Variants in SERHL2 observed in about 807,000 individuals in gnomAD.
SERHL2 encodes the protein serine hydrolase like 2.
A neutral mutation model predicts 25.5 loss-of-function variants in SERHL2; 29 were observed. That is an observed-to-expected ratio of 1.14 (90% confidence interval 0.85 to 1.55). SERHL2 has a LOEUF of 1.55. SERHL2 is among the 40% of genes most tolerant of loss of function. The probability of loss-of-function intolerance (pLI) is 0.00; values close to 1 mark genes in which losing one functional copy is unlikely to be tolerated. For missense variants in SERHL2, 240 were observed against 252.3 expected (o/e 0.95, Z 0.33); for synonymous variants, 95 against 103.5 (o/e 0.92, Z 0.50).
intron 9 of SERHL2, among the ~76,000 whole-genome samples, chr22:42,568,880 C>T (rs1923769290): frequency 6.6e-6 from 1 of 151,590 alleles, no homozygotes; most frequent in Non-Finnish European, 1.5e-5. Flanking sequence ...GCAGGAGAAT[C>T]GCTTTAACTC....
intron 8 of SERHL2, chr22:42,563,442 G>A (rs1050709297): frequency 2.9e-5 from 13 of 442,434 alleles, no homozygotes; most frequent in African/African-American, 2.0e-4. Context: ...GAACTCAAGC[G>A]ATCCTACTGA....
At chr22:42,573,843 T>C (rs1163431173) in intron 11 of SERHL2, 93 bp from the exon 12 acceptor site, 2 of 1,233,040 alleles carry the variant, frequency 1.6e-6, no homozygotes, top group Non-Finnish European at 2.3e-6. Flanking sequence ...TGCAGGGAGC[T>C]GGAATGCTGT....
chr22:42,561,336 T>C (rs1445485424), intron 8 of SERHL2, among the ~76,000 whole-genome samples: 1 of 151,806 alleles, frequency 6.6e-6, no homozygotes, highest in Non-Finnish European at 1.5e-5. Flanking sequence ...CTTGGGACAG[T>C]CCCTTCCCTT....
At chr22:42,570,525 C>A (rs1265013376) in intron 9 of SERHL2, among the ~76,000 whole-genome samples, 4 of 152,196 alleles carry the variant, frequency 2.6e-5, no homozygotes, top group Non-Finnish European at 4.4e-5. Flanking sequence ...GCTAAGTTTT[C>A]CAAATCCAGC....
At chr22:42,564,959 G>GGCGCGC (rs67794471) in intron 8 of SERHL2, 10,278 of 144,554 alleles carry the variant, frequency 0.071, 521 homozygotes, top group Middle Eastern at 0.097. Context: ...CACCATGCTC[G>GGCGCGC]GCGCGCGCGT....
chr22:42,573,278 C>T (rs889882095), intron 11 of SERHL2: 1 of 143,394 alleles, frequency 7.0e-6, no homozygotes, highest in South Asian at 2.2e-4. Context: ...GAGTGTCGCT[C>T]TGTTGCCCAG....
At chr22:42,567,586 C>T (rs1189325407) in intron 9 of SERHL2, among the ~76,000 whole-genome samples, 1 of 151,496 alleles carries the variant, frequency 6.6e-6, no homozygotes, top group Non-Finnish European at 1.5e-5. Flanking sequence ...ATGGCGTGAA[C>T]CCGGGAAGCA....
chr22:42,564,511 A>G (rs1231404653), intron 8 of SERHL2, among the ~76,000 whole-genome samples: 2 of 150,706 alleles, frequency 1.3e-5, no homozygotes, highest in East Asian at 1.9e-4. Context: ...GGCTCACCGC[A>G]ACCTCCACCT....
chr22:42,559,229 TAAA>T lies in SERHL2; in HGVS notation c.533+797_533+799del, dbSNP rs1194822216. 4.5e-4 allele frequency among the ~76,000 whole-genome samples: 31 copies of T among 69,314 alleles called. No individual in the cohort carries two copies. The South Asian group carries it at 8.5e-3, about 19-fold the overall frequency. 45.5% of individuals were successfully genotyped at this position (69,314 alleles called of 152,430 possible). A position where few individuals can be genotyped will look rare whatever the true frequency, so the allele number is the denominator to read the frequency against. On this transcript the variant is annotated intron_variant, in intron 7 of 11. Coordinates refer to ENST00000327678, the MANE Select transcript of SERHL2 (RefSeq NM_014509.5). ...GAGCGAGATAGCGAGACCCTGTATT[TAAA>T]AAAAAAAAAAAAAAAAAAAAAAAAT...
chr22:42,568,972 C>G (rs1923780877), intron 9 of SERHL2, among the ~76,000 whole-genome samples: 1 of 151,536 alleles, frequency 6.6e-6, no homozygotes, highest in Admixed American at 6.5e-5. Context: ...ACCTCCACCT[C>G]CTGGGATCAA....
In SERHL2 at chr22:42,560,172, C is replaced by T. The variant is rs1459981252; in HGVS notation, c.534-14C>T. The T allele has an allele frequency of 3.7e-6, 6 of 1,605,984 alleles. No individual in the cohort carries two copies. The highest frequency in any genetic ancestry group is 1.7e-5 in the Admixed American group (1 of 59,982). On this transcript the variant is annotated splice_polypyrimidine_tract_variant and intron_variant, in intron 7 of 11. Transcript: ENST00000327678. ...TGGCCTCCAGGCACCCAGCATCCTT[C>T]TGTCTCCCCCCAGGTTACTGAAGAG... is the stretch of plus-strand genomic sequence containing the variant.
intron 8 of SERHL2, among the ~76,000 whole-genome samples, chr22:42,565,888 C>T (rs562139335): frequency 6.6e-6 from 1 of 152,060 alleles, no homozygotes; most frequent in African/African-American, 2.4e-5. Context: ...GAGTCTTGCT[C>T]TGTCGCCTAG....
At chr22:42,565,968 C>G (rs1357038271) in intron 8 of SERHL2, among the ~76,000 whole-genome samples, 1 of 152,016 alleles carries the variant, frequency 6.6e-6, no homozygotes, top group East Asian at 1.9e-4. Flanking sequence ...TTGCTTCTTC[C>G]TAGTGACTAA....
intron 11 of SERHL2, chr22:42,572,901 C>G (rs998369655): frequency 5.0e-6 from 1 of 201,786 alleles, no homozygotes; most frequent in African/African-American, 2.4e-5. Context: ...AACTCCTGAC[C>G]TCAGGTGATC....
rs141212892 is a variant in SERHL2 at position 42,565,723 on chromosome 22, G to A, written c.614-581G>A. On this transcript the variant is annotated intron_variant, in intron 8 of 11. Transcript: ENST00000327678. ...CCCACTTCGGCCTCCCAAAGTGCTG[G>A]AATTACAGGTGCCTGACCTCCTGCT... Among the ~76,000 whole-genome samples the A allele has an allele frequency of 3.5e-3, 526 of 151,954 alleles. 5 individuals carry two copies. The highest frequency in any genetic ancestry group is 5.3e-3 in the Non-Finnish European group (361 of 67,936).
chr22:42,571,538 G>A, intron 10 of SERHL2: 1 of 1,004,844 alleles, frequency 1.0e-6, no homozygotes, highest in Non-Finnish European at 1.2e-6. Flanking sequence ...CGATTCTCCT[G>A]CCTCAGCCTC....
At chr22:42,568,511 G>A (rs559065562) in intron 9 of SERHL2, among the ~76,000 whole-genome samples, 1 of 152,084 alleles carries the variant, frequency 6.6e-6, no homozygotes, top group South Asian at 2.1e-4. Flanking sequence ...TGTCTTATGT[G>A]ACCTGTTCTG....
At chr22:42,570,816 C>G (rs1289938723) in intron 9 of SERHL2, among the ~76,000 whole-genome samples, 1 of 152,080 alleles carries the variant, frequency 6.6e-6, no homozygotes, top group Non-Finnish European at 1.5e-5. Context: ...AGTGGCCCAA[C>G]TCACTTCTCT....
At chr22:42,562,241 A>G (rs1362106596) in intron 8 of SERHL2, among the ~76,000 whole-genome samples, 1 of 151,820 alleles carries the variant, frequency 6.6e-6, no homozygotes, top group Admixed American at 6.6e-5. Flanking sequence ...GCTTCCCTCC[A>G]ACCCCAGGGC....
Sources: gnomAD v4.1 joint callset for allele counts (sites outside exome capture counted in the v4.1 genomes callset) on GRCh38, gnomAD v4.1.1 for gene constraint, MANE v1.5 for transcripts, NCBI Gene and HGNC (gene_info 2026-07-23, HGNC 2026-07-21) for gene names.